Variants in HIPK1 observed in about 807,000 individuals in gnomAD.
The protein encoded by HIPK1 is homeodomain interacting protein kinase 1.
A neutral mutation model predicts 117.1 loss-of-function variants in HIPK1; 28 were observed. The observed-to-expected ratio is 0.24, with a 90% CI of 0.18 to 0.33. HIPK1 has a LOEUF of 0.33. HIPK1 is among the 10% of genes least tolerant of loss of function. HIPK1 has a pLI of 1.00. For missense variants in HIPK1, 1,122 were observed against 1,475.1 expected, an observed-to-expected ratio of 0.76 and a Z score of 3.92; for synonymous variants, 605 against 562.5, an observed-to-expected ratio of 1.08 and a Z score of -1.07.
At position 113,972,111 on chromosome 1, in the gene HIPK1, G is replaced by A. The variant is rs1672879117; in HGVS notation, c.3144+157G>A. On this transcript the variant is annotated intron_variant, in intron 15 of 15. Coordinates refer to ENST00000426820, the MANE Select transcript of HIPK1 (RefSeq NM_198268.3). ...TGGCTTACGTCGTACCGCATATGCT[G>A]TGTCTCTTCATTCACTCTGTAAGTG... 3.2e-6 allele frequency: 5 copies of A among 1,575,662 alleles called. No individual in the cohort carries two copies. The South Asian group carries it at 3.5e-5, about 11-fold the overall frequency.
At chr1:113,968,741 T>C in intron 13 of HIPK1, 93 bp downstream of exon 13, 1 of 966,598 alleles carries the variant, frequency 1.0e-6, no homozygotes, top group East Asian at 2.5e-5. Context: ...AAAGGACCGG[T>C]GGGGCATGGT....
At chr1:113,960,046 A>G (rs968303348) in intron 8 of HIPK1, among the ~76,000 whole-genome samples, 1 of 152,174 alleles carries the variant, frequency 6.6e-6, no homozygotes, top group African/African-American at 2.4e-5. Flanking sequence ...TTGAGGTATT[A>G]TCCTTATTGC....
At chr1:113,955,969 A>T (rs1326540229) in intron 5 of HIPK1, among the ~76,000 whole-genome samples, 2 of 152,038 alleles carry the variant, frequency 1.3e-5, no homozygotes, top group Non-Finnish European at 2.9e-5. Context: ...TTATGTTACG[A>T]ACTCTGAACA....
intron 8 of HIPK1, among the ~76,000 whole-genome samples, chr1:113,960,174 A>G (rs1232952677): frequency 1.3e-5 from 2 of 152,182 alleles, no homozygotes; most frequent in African/African-American, 4.8e-5. Context: ...TTACAGGAGG[A>G]TAGATCCTCA....
chr1:113,968,603 G>T lies in HIPK1; in HGVS notation c.2726G>T (p.Arg909Leu), dbSNP rs370415621. The T allele has an allele frequency of 2.5e-6, 4 of 1,614,066 alleles. No homozygotes were observed. The highest frequency in any genetic ancestry group is 3.4e-6 in the Non-Finnish European group (4 of 1,179,948). ...CCTCCTGTGAGTGTCATCACTATCC[G>T]AAGTGACACTGATGAGGAAGAGGAC... ...PSPPVSVITI[R>L]SDTDEEEDNK... The change falls in exon 13 of 16, where the codon CGA becomes CTA. Residue 909 changes from arginine (R) to leucine (L), a missense_variant. Physicochemically the swap from Arg to Leu is moderately radical, Grantham distance 102. Transcript: ENST00000426820.
chr1:113,970,297 G>T, intron 14 of HIPK1, 100 bp downstream of exon 14: 1 of 1,266,998 alleles, frequency 7.9e-7, no homozygotes, highest in Non-Finnish European at 1.1e-6. Context: ...GAGACCAGTG[G>T]TGTAGACATT....
At chr1:113,937,089 A>G (rs1252044979) in intron 1 of HIPK1, among the ~76,000 whole-genome samples, 1 of 152,228 alleles carries the variant, frequency 6.6e-6, no homozygotes, top group Non-Finnish European at 1.5e-5. Flanking sequence ...AAGTAGGTAG[A>G]ACAAGATGAT....
At position 113,968,477 on chromosome 1, in the gene HIPK1, C is replaced by T. The variant is rs767231130; in HGVS notation, c.2600C>T (p.Ser867Phe). 2.5e-6 allele frequency: 4 copies of T among 1,614,038 alleles called. No individual in the cohort carries two copies. Among genetic ancestry groups the T allele is most frequent in the Non-Finnish European group, 2.5e-6 (3 of 1,179,882 alleles). ...GATGTTCTGCCTTCCCAAGTCTATT[C>T]TCTGGTTGGGAGCAGTCCCCTCCGC... Reference protein sequence around the residue: ...SLDVLPSQVYSLVGSSPLRTT... With the variant: ...SLDVLPSQVYFLVGSSPLRTT... The change falls in exon 13 of 16, where the codon TCT (serine) becomes TTT (phenylalanine). Residue 867 changes from serine (S) to phenylalanine (F), a missense_variant. Around this residue, in one of 6 missense-constraint regions of HIPK1, gnomAD observed 731 missense variants for 860.4 expected, o/e 0.85. Transcript: ENST00000426820.
chr1:113,948,219 A>G (rs1452040866), intron 2 of HIPK1, among the ~76,000 whole-genome samples: 1 of 152,210 alleles, frequency 6.6e-6, no homozygotes, highest in Non-Finnish European at 1.5e-5. Context: ...TAACATTTAT[A>G]GGCCCAAATA....
chr1:113,949,383 G>C (rs1671198596), intron 2 of HIPK1, among the ~76,000 whole-genome samples: 1 of 152,090 alleles, frequency 6.6e-6, no homozygotes, highest in Admixed American at 6.5e-5. Context: ...CTGCTCACTA[G>C]GAGTAGAAAA....
chr1:113,961,548 CT>C (rs1237072915), intron 8 of HIPK1, among the ~76,000 whole-genome samples: 1 of 152,160 alleles, frequency 6.6e-6, no homozygotes, highest in African/African-American at 2.4e-5. Context: ...AATTATTGAG[CT>C]TTTCGTAATC....
At chr1:113,965,296 T>C (rs1379655301) in intron 10 of HIPK1, among the ~76,000 whole-genome samples, 2 of 152,118 alleles carry the variant, frequency 1.3e-5, no homozygotes, top group Non-Finnish European at 2.9e-5. Context: ...ATTTTTTTTT[T>C]CAAAAAATGC....
At chr1:113,935,402 T>G (rs888038278) in intron 1 of HIPK1, among the ~76,000 whole-genome samples, 7 of 152,216 alleles carry the variant, frequency 4.6e-5, no homozygotes, top group African/African-American at 1.7e-4. Flanking sequence ...ATGGTGTATA[T>G]GTATCACATT....
At chr1:113,962,576 T>C (rs1328245403) in intron 9 of HIPK1, 138 bp downstream of exon 9, 1 of 771,726 alleles carries the variant, frequency 1.3e-6, no homozygotes, top group African/African-American at 1.8e-5. Context: ...ATGAAACATC[T>C]CTATGGAACA....
chr1:113,967,568 G>A (rs1054158709), intron 11 of HIPK1, among the ~76,000 whole-genome samples, 198 bp from the exon 12 acceptor site: 5 of 151,934 alleles, frequency 3.3e-5, no homozygotes, highest in Admixed American at 1.3e-4. Flanking sequence ...TTTTTTGATC[G>A]TATTATTAGA....
chr1:113,942,478 C>G (rs1014642873), intron 2 of HIPK1, among the ~76,000 whole-genome samples: 9 of 152,180 alleles, frequency 5.9e-5, no homozygotes, highest in African/African-American at 2.2e-4. Flanking sequence ...GTGGGAATAA[C>G]TCTAGGTTTA....
Position 113,977,216 on chromosome 1 carries a change from G to A in HIPK1, c.*3704G>A, listed in dbSNP as rs1237443539. 2 of 152,684 alleles carry A rather than the reference G, an allele frequency of 1.3e-5. No homozygotes were observed. Among genetic ancestry groups the A allele is most frequent in the South Asian group, 2.1e-4 (1 of 4,812 alleles). 9.5% of individuals were successfully genotyped at this position (152,684 alleles called of 1,614,324 possible). A position where few individuals can be genotyped will look rare whatever the true frequency, so the allele number is the denominator to read the frequency against. ...TGCCTCTCAGTGACAGGAGTGGCCC[G>A]AGCCTGCTTCCTATTTTGATTTTTT... On this transcript the variant is annotated 3_prime_UTR_variant, in exon 16 of 16. Coordinates refer to ENST00000426820, the MANE Select transcript of HIPK1 (RefSeq NM_198268.3).
chr1:113,935,213 G>A (rs1645966689), intron 1 of HIPK1, among the ~76,000 whole-genome samples: 1 of 151,934 alleles, frequency 6.6e-6, no homozygotes. Flanking sequence ...CAGTGTCTGT[G>A]GTTGGCCTCT....
Position 113,953,458 on chromosome 1 carries a change from A to G in HIPK1, c.1200+569A>G, listed in dbSNP as rs1571691879. 2.6e-5 allele frequency among the ~76,000 whole-genome samples: 4 copies of G among 152,208 alleles called. No individual in the cohort carries two copies. In the East Asian group the frequency reaches 7.7e-4, roughly 29 times the overall value. On this transcript the variant is annotated intron_variant, in intron 3 of 15. Transcript: ENST00000426820. ...AATTTCCTAAGGAATTGGTCCGTTA[A>G]GGGAAAATGTTTTACTATGGAAGTA... is the stretch of plus-strand genomic sequence containing the variant.
Sources: gnomAD v4.1 joint callset for allele counts (sites outside exome capture counted in the v4.1 genomes callset) on GRCh38, gnomAD v4.1.1 for gene constraint, gnomAD v4.1.1 regional missense constraint, MANE v1.5 for transcripts, NCBI Gene and HGNC (gene_info 2026-07-23, HGNC 2026-07-21) for gene names.